Variants in APPL2 observed in about 807,000 individuals in gnomAD.
APPL2 encodes the protein DCC-interacting protein 13-beta.
A neutral mutation model predicts 92.7 loss-of-function variants in APPL2; 84 were observed. That is an observed-to-expected ratio of 0.91 (90% confidence interval 0.76 to 1.09). APPL2 has a LOEUF of 1.09. Among genes scored for constraint, APPL2 ranks in the 50% least tolerant of loss-of-function variants. The pLI is 0.00. For missense variants in APPL2, 736 were observed against 824.5 expected (o/e 0.89, Z 1.31); for synonymous variants, 291 against 291.0 (o/e 1.00, Z 0.00).
rs781573019 is a variant in APPL2, at chr12:105,208,194, T to C, written c.379A>G (p.Ser127Gly). The C allele has an allele frequency of 1.9e-6, 3 of 1,614,064 alleles. No individual in the cohort carries two copies. Among genetic ancestry groups the C allele is most frequent in the Admixed American group, 1.7e-5 (1 of 60,008 alleles). The change falls in exon 6 of 21, where the codon AGC (serine) becomes GGC (glycine). Residue 127 changes from serine to glycine, a missense_variant. Physicochemically the swap from Ser to Gly is moderately conservative, Grantham distance 56 (BLOSUM62 0). Coordinates refer to ENST00000258530, the MANE Select transcript of APPL2 (RefSeq NM_018171.5). Reference protein sequence around the residue: ...QFREKDLTEVSTLKDLFGLAS... With the variant: ...QFREKDLTEVGTLKDLFGLAS... ...AGTCCAAATAGATCCTTTAAAGTGC[T>C]TACTTCTGAAAAGGAGAAAAGGGAC...
intron 5 of APPL2, among the ~76,000 whole-genome samples, chr12:105,208,809 G>C (rs576732256): frequency 1.3e-5 from 2 of 152,262 alleles, no homozygotes; most frequent in South Asian, 2.1e-4. Flanking sequence ...AATCCAAAAA[G>C]ATCATTGAGA....
chr12:105,181,583 C>G (rs1886119303), intron 17 of APPL2, among the ~76,000 whole-genome samples: 1 of 152,172 alleles, frequency 6.6e-6, no homozygotes, highest in African/African-American at 2.4e-5. Flanking sequence ...GTGAATCCAT[C>G]TGGTCCTGGG....
Position 105,197,829 on chromosome 12 carries a change from C to T in APPL2, c.988G>A (p.Val330Met). ...CGGTCTTCGCAATCCACGGCCATCA[C>T]TGAGCAGTTGTCCAGGTCCTGGATC... ...GLIQDLDNCS[V>M]MAVDCEDRRY... The change falls in exon 11 of 21, where the codon GTG becomes ATG. Residue 330 changes from valine (V) to methionine (M), a missense_variant. Val to Met is a conservative substitution (Grantham distance 21). Transcript: ENST00000258530. 2 of 1,614,236 alleles carry T rather than the reference C, an allele frequency of 1.2e-6. No homozygotes were observed. Among genetic ancestry groups the T allele is most frequent in the Non-Finnish European group, 1.7e-6 (2 of 1,180,050 alleles).
chr12:105,190,425 C>T (rs1273360909), intron 14 of APPL2, among the ~76,000 whole-genome samples: 2 of 152,180 alleles, frequency 1.3e-5, no homozygotes, highest in Non-Finnish European at 2.9e-5. Context: ...CTCTGTGAGG[C>T]AGGTTTTGGA....
chr12:105,204,366 G>A (rs1285122162), intron 8 of APPL2, among the ~76,000 whole-genome samples: 1 of 152,124 alleles, frequency 6.6e-6, no homozygotes, highest in Non-Finnish European at 1.5e-5. Flanking sequence ...TGGCATGGCG[G>A]GCACCAAAAT....
chr12:105,203,828 G>A lies in APPL2; in HGVS notation c.622-43C>T, dbSNP rs576250833. ...AATATTCTGAAAATCATCCAGGGAA[G>A]TGATCAGTGAACTCACTGAAGGTGA... On this transcript the variant is annotated intron_variant, in intron 8 of 20. Transcript: ENST00000258530. The A allele has an allele frequency of 2.6e-6, 4 of 1,560,542 alleles. No homozygotes were observed. The East Asian group carries it at 9.0e-5, about 35-fold the overall frequency.
At chr12:105,188,532 G>T in intron 16 of APPL2, 85 bp from the exon 17 acceptor site, 2 of 1,464,628 alleles carry the variant, frequency 1.4e-6, no homozygotes, top group Non-Finnish European at 9.3e-7. Context: ...TGCTAGTTTT[G>T]CCTGCTTTCT....
Position 105,177,115 on chromosome 12 carries a change from A to T in APPL2, c.1672-99T>A, listed in dbSNP as rs369065711. On this transcript the variant is annotated intron_variant, in intron 18 of 20. Transcript: ENST00000258530. The stretch of plus-strand genomic sequence containing the variant: ...AAGTCATGAGAAAAAGTATCCTATT[A>T]GTCCTATTAGTGGCAGATCTTTATT... The T allele has an allele frequency of 5.6e-6, 9 of 1,595,950 alleles. No homozygotes were observed. The African/African-American group carries it at 6.7e-5, about 12-fold the overall frequency.
chr12:105,176,833 GT>G, intron 19 of APPL2, 42 bp downstream of exon 19: 1 of 1,600,530 alleles, frequency 6.2e-7, no homozygotes, highest in Non-Finnish European at 8.5e-7. Flanking sequence ...AAATGGACTT[GT>G]TTGGACTGGG....
chr12:105,174,881 G>A (rs942223763), intron 20 of APPL2, among the ~76,000 whole-genome samples: 3 of 140,818 alleles, frequency 2.1e-5, no homozygotes, highest in African/African-American at 7.8e-5. Flanking sequence ...TTTGGTGGGG[G>A]GGGGGGTGGT....
intron 11 of APPL2, among the ~76,000 whole-genome samples, chr12:105,195,969 C>T (rs1056505342): frequency 4.0e-5 from 6 of 150,694 alleles, no homozygotes; most frequent in African/African-American, 1.5e-4. Context: ...GTGGGAGGAT[C>T]GATCGAGCCC....
At chr12:105,218,659 A>G (rs1889878394) in intron 2 of APPL2, among the ~76,000 whole-genome samples, 1 of 152,210 alleles carries the variant, frequency 6.6e-6, no homozygotes, top group East Asian at 1.9e-4. Flanking sequence ...GGAATGAGGC[A>G]GTGGGAAGGT....
intron 17 of APPL2, among the ~76,000 whole-genome samples, chr12:105,187,570 T>C (rs928702220): frequency 2.0e-5 from 3 of 152,234 alleles, no homozygotes; most frequent in African/African-American, 4.8e-5. Flanking sequence ...GGAAGCCTTA[T>C]ATGTCATCGA....
intron 2 of APPL2, among the ~76,000 whole-genome samples, chr12:105,220,148 G>A (rs1032912121): frequency 6.6e-6 from 1 of 152,194 alleles, no homozygotes. Context: ...GGAGCTGTCC[G>A]ATTCTAAAAT....
intron 4 of APPL2, among the ~76,000 whole-genome samples, chr12:105,212,014 G>C (rs1434843138): frequency 6.6e-6 from 1 of 151,744 alleles, no homozygotes; most frequent in African/African-American, 2.4e-5. Flanking sequence ...AGCTATGTGG[G>C]AGGCTGAGGC....
At chr12:105,189,659 C>A in intron 16 of APPL2, 113 bp downstream of exon 16, 1 of 1,231,332 alleles carries the variant, frequency 8.1e-7, no homozygotes, top group Non-Finnish European at 1.2e-6. Flanking sequence ...AACAACAAAT[C>A]TTAATTCATA....
In APPL2 at chr12:105,203,010, T is replaced by TACACACACACACAC. The variant is rs3838812; in HGVS notation, c.704+679_704+692dup. Among the ~76,000 whole-genome samples, 32 of 146,090 alleles carry TACACACACACACAC rather than the reference T, an allele frequency of 2.2e-4. 1 individual carries two copies. The highest frequency in any genetic ancestry group is 1.3e-3 in the South Asian group (6 of 4,640). On this transcript the variant is annotated intron_variant, in intron 9 of 20. Coordinates refer to ENST00000258530, the MANE Select transcript of APPL2 (RefSeq NM_018171.5). The stretch of plus-strand genomic sequence containing the variant: ...ATTTCCATTTTGTCTATTTGTCAAC[T>TACACACACACACAC]ACACACACACACACACACACACACA...
At position 105,199,551 on chromosome 12, in the gene APPL2, G is replaced by A. The variant is rs747838905; in HGVS notation, c.705-20C>T. The A allele has an allele frequency of 1.9e-6, 3 of 1,609,664 alleles. No individual in the cohort carries two copies. Among genetic ancestry groups the A allele is most frequent in the African/African-American group, 2.7e-5 (2 of 74,914 alleles). Reference sequence around the variant, plus strand: ...TGAATGCTTAAGACAGAAGGTGTTGGGTCAGTTACTCACTGCTGGCCAACC... The same window carrying A: ...TGAATGCTTAAGACAGAAGGTGTTGAGTCAGTTACTCACTGCTGGCCAACC... On this transcript the variant is annotated intron_variant, in intron 9 of 20. Transcript: ENST00000258530.
At chr12:105,206,552 G>A (rs1278965239) in intron 8 of APPL2, among the ~76,000 whole-genome samples, 1 of 152,182 alleles carries the variant, frequency 6.6e-6, no homozygotes, top group Non-Finnish European at 1.5e-5. Context: ...TAAATAGGAG[G>A]ATAGAAACCC....
Sources: gnomAD v4.1 joint callset for allele counts (sites outside exome capture counted in the v4.1 genomes callset) on GRCh38, gnomAD v4.1.1 for gene constraint, MANE v1.5 for transcripts, NCBI Gene and HGNC (gene_info 2026-07-23, HGNC 2026-07-21) for gene names.